ANK2: variants seen among roughly 807,000 people sequenced by gnomAD.
The protein encoded by ANK2 is ankyrin-2.
A neutral mutation model predicts 360.5 loss-of-function variants in ANK2; 83 were observed. The ratio of observed to expected loss-of-function variants is 0.23; its 90% confidence interval spans 0.19 to 0.28. The LOEUF is 0.28. Ranked by LOEUF, ANK2 falls within the 10% of genes least tolerant of loss-of-function variation. The probability of loss-of-function intolerance (pLI) is 1.00; values close to 1 mark genes in which losing one functional copy is unlikely to be tolerated. For missense variants in ANK2, 4,201 were observed against 4,795.7 expected, an observed-to-expected ratio of 0.88 and a Z score of 3.66; for synonymous variants, 1,740 against 1,759.5, an observed-to-expected ratio of 0.99 and a Z score of 0.28.
rs1387120693 is a variant in ANK2 at position 113,358,612 on chromosome 4, A to G, written c.9994A>G (p.Ser3332Gly). Reference protein sequence around the residue: ...ESSVSEDFLSSVDEENKADEA... With the variant: ...ESSVSEDFLSGVDEENKADEA... ...TTCAGTTTCTGAAGATTTTCTATCC[A>G]GTGTAGATGAGGAAAATAAGGCGGA... Residue 3332 changes from serine (S) to glycine (G), a missense_variant, in exon 38 of 46, where the codon AGT (serine) becomes GGT (glycine). Physicochemically the swap from Ser to Gly is moderately conservative, Grantham distance 56. Around this residue, in one of 4 missense-constraint regions of ANK2, gnomAD observed 2,642 missense variants for 2,714.5 expected, o/e 0.97. Coordinates refer to ENST00000357077, the MANE Select transcript of ANK2 (RefSeq NM_001148.6). The G allele has an allele frequency of 6.2e-7, 1 of 1,614,084 alleles. No homozygotes were observed. The highest frequency in any genetic ancestry group is 1.3e-5 in the African/African-American group (1 of 75,042).
intron 2 of ANK2, among the ~76,000 whole-genome samples, chr4:112,932,388 A>G (rs1452239423): frequency 6.7e-6 from 1 of 149,894 alleles, no homozygotes; most frequent in Non-Finnish European, 1.5e-5. Flanking sequence ...GCTACTCAGG[A>G]GGCTGAGGCA....
At chr4:113,303,736 G>A (rs887731490) in intron 23 of ANK2, among the ~76,000 whole-genome samples, 4 of 152,048 alleles carry the variant, frequency 2.6e-5, no homozygotes, top group South Asian at 2.1e-4. Context: ...AAAAAATCAC[G>A]CAACCAAGTT....
At chr4:112,983,300 A>T (rs959451998) in intron 2 of ANK2, among the ~76,000 whole-genome samples, 1 of 152,112 alleles carries the variant, frequency 6.6e-6, no homozygotes, top group Admixed American at 6.5e-5. Flanking sequence ...AGTGACAAAA[A>T]TAACTATGCT....
chr4:113,352,006 A>C (rs1270712113), intron 37 of ANK2, among the ~76,000 whole-genome samples: 1 of 152,216 alleles, frequency 6.6e-6, no homozygotes, highest in East Asian at 1.9e-4. Context: ...CCTAAGCCTC[A>C]ATATACCACC....
At chr4:113,279,861 CCT>C (rs1242638767) in intron 17 of ANK2, among the ~76,000 whole-genome samples, 1 of 151,892 alleles carries the variant, frequency 6.6e-6, no homozygotes, top group Non-Finnish European at 1.5e-5. Context: ...TGTTCTTACT[CCT>C]CTTTTTTCTA....
intron 43 of ANK2, among the ~76,000 whole-genome samples, chr4:113,372,331 GAAC>G (rs1398738950): frequency 1.3e-5 from 2 of 151,764 alleles, no homozygotes; most frequent in Non-Finnish European, 2.9e-5. Context: ...TTCATTCATT[GAAC>G]AACAACAACA....
chr4:113,245,621 A>G (rs1429615523), intron 9 of ANK2, among the ~76,000 whole-genome samples: 1 of 152,136 alleles, frequency 6.6e-6, no homozygotes, highest in Admixed American at 6.5e-5. Context: ...GCATGAGGGT[A>G]ACCACCCCGT....
chr4:112,819,742 A>G (rs2056448476), intron 1 of ANK2, among the ~76,000 whole-genome samples: 1 of 152,200 alleles, frequency 6.6e-6, no homozygotes, highest in Non-Finnish European at 1.5e-5. Flanking sequence ...GAGAAATGGA[A>G]GATCCTCCCA....
At chr4:113,180,395 A>G (rs2153233820) in intron 2 of ANK2, among the ~76,000 whole-genome samples, 1 of 152,328 alleles carries the variant, frequency 6.6e-6, no homozygotes, top group East Asian at 1.9e-4. Flanking sequence ...AGTACTCAAT[A>G]AATACTTGTG....
Position 113,277,858 on chromosome 4 carries a change from G to A in ANK2, c.1705G>A (p.Val569Ile), listed in dbSNP as rs1300426284. Residue 569 changes from valine to isoleucine, a missense_variant, in exon 16 of 46, where the codon GTA (valine) becomes ATA (isoleucine). Transcript: ENST00000357077. ...TCAGAAGGGTTTTACTCCCCTGCAT[G>A]TAGCAGCCAAGTATGGAAGCCTGGA... ...ATKKGFTPLH[V>I]AAKYGSLDVA... The A allele has an allele frequency of 1.9e-6, 3 of 1,613,860 alleles. No individual in the cohort carries two copies. The highest frequency in any genetic ancestry group is 2.5e-6 in the Non-Finnish European group (3 of 1,179,748).
At chr4:113,172,819 A>G (rs899430701) in intron 1 of ANK2, among the ~76,000 whole-genome samples, 2 of 152,236 alleles carry the variant, frequency 1.3e-5, no homozygotes, top group Non-Finnish European at 2.9e-5. Context: ...AATACACAGT[A>G]TTATAACTCA....
intron 1 of ANK2, among the ~76,000 whole-genome samples, chr4:112,840,195 A>G (rs1044028083): frequency 1.3e-5 from 2 of 152,140 alleles, no homozygotes; most frequent in African/African-American, 4.8e-5. Flanking sequence ...ATATTCAGCT[A>G]CTGAATCAGA....
intron 1 of ANK2, among the ~76,000 whole-genome samples, chr4:112,820,830 G>A (rs980728043): frequency 2.0e-5 from 3 of 151,806 alleles, no homozygotes; most frequent in East Asian, 1.9e-4. Context: ...CCTTAAACTC[G>A]GGTTCAAACA....
chr4:112,821,452 T>C (rs1162655965), intron 1 of ANK2, among the ~76,000 whole-genome samples: 2 of 152,122 alleles, frequency 1.3e-5, no homozygotes, highest in African/African-American at 2.4e-5. Context: ...AATACCTGAT[T>C]GTTATAGTTT....
intron 4 of ANK2, among the ~76,000 whole-genome samples, chr4:113,216,277 A>C (rs2099084734): frequency 6.6e-6 from 1 of 152,252 alleles, no homozygotes; most frequent in Admixed American, 6.5e-5. Flanking sequence ...AAGCTACAGA[A>C]TACTCTCAGC....
chr4:113,135,521 CTCTGTG>C (rs1463477378), intron 1 of ANK2, among the ~76,000 whole-genome samples: 4 of 148,132 alleles, frequency 2.7e-5, no homozygotes, highest in South Asian at 2.1e-4. Flanking sequence ...GTGTGTGTCT[CTCTGTG>C]TGTGTGTGTG....
chr4:113,088,263 G>A (rs1042715971), intron 1 of ANK2, among the ~76,000 whole-genome samples: 4 of 152,160 alleles, frequency 2.6e-5, no homozygotes, highest in African/African-American at 9.7e-5. Flanking sequence ...GTCACTGGGA[G>A]TTTTCACAGG....
rs1345598685 is a variant in ANK2 at position 113,357,751 on chromosome 4, T to G, written c.9133T>G (p.Trp3045Gly). 1.9e-6 allele frequency: 3 copies of G among 1,613,948 alleles called. No individual in the cohort carries two copies. In the South Asian group the frequency reaches 3.3e-5, roughly 18 times the overall value. The change falls in exon 38 of 46, where the codon TGG (tryptophan) becomes GGG (glycine). Residue 3045 changes from tryptophan (W) to glycine (G), a missense_variant. This residue lies in a region of ANK2 where 2,642 missense variants were observed against 2,714.5 expected (regional missense o/e 0.97). Transcript: ENST00000357077. ...AAAAACTGATGTGGATTCTGATTCTTGGAGTGAAATTCGGGAAGACGATGA... is the reference window on the plus strand; with the variant it reads ...AAAAACTGATGTGGATTCTGATTCTGGGAGTGAAATTCGGGAAGACGATGA... ...ITKTDVDSDS[W>G]SEIREDDEAF...
At chr4:112,813,342 A>G (rs2055438414), upstream of ANK2, among the ~76,000 whole-genome samples, 1 of 152,006 alleles carries the variant, frequency 6.6e-6, no homozygotes, top group Non-Finnish European at 1.5e-5. Flanking sequence ...ACACTTCAAC[A>G]TGTTTCCCAA....
Sources: gnomAD v4.1 joint callset for allele counts (sites outside exome capture counted in the v4.1 genomes callset) on GRCh38, gnomAD v4.1.1 for gene constraint, gnomAD v4.1.1 regional missense constraint, MANE v1.5 for transcripts, NCBI Gene and HGNC (gene_info 2026-07-23, HGNC 2026-07-21) for gene names.